The following LPP variants were observed in gnomAD, a reference collection of about 807,000 sequenced individuals.
The protein encoded by LPP is lipoma-preferred partner.
A neutral mutation model predicts 60.4 loss-of-function variants in LPP; 38 were observed. That is an observed-to-expected ratio of 0.63 (90% confidence interval 0.49 to 0.83). The LOEUF (loss-of-function observed/expected upper bound fraction) is 0.83. Among genes scored for constraint, LPP ranks in the 40% least tolerant of loss-of-function variants. The pLI is 0.00. For synonymous variants in LPP, 328 were observed against 290.8 expected, an observed-to-expected ratio of 1.13 and a Z score of -1.30; for missense variants, 902 against 783.6, an observed-to-expected ratio of 1.15 and a Z score of -1.80.
At chr3:188,410,161 A>G (rs1784567998) in intron 4 of LPP, among the ~76,000 whole-genome samples, 1 of 152,212 alleles carries the variant, frequency 6.6e-6, no homozygotes, top group Non-Finnish European at 1.5e-5. Context: ...GACACATACT[A>G]GGAACTCAAT....
intron 4 of LPP, among the ~76,000 whole-genome samples, chr3:188,436,490 C>A (rs536136667): frequency 6.6e-6 from 1 of 152,030 alleles, no homozygotes; most frequent in Non-Finnish European, 1.5e-5. Flanking sequence ...GTTTGCATTT[C>A]GTGAACAACT....
chr3:188,767,292 CA>C lies in LPP; in HGVS notation c.1410+7012del, dbSNP rs1417144795. On this transcript the variant is annotated intron_variant, in intron 9 of 11. Coordinates refer to ENST00000617246, the MANE Select transcript of LPP (RefSeq NM_001375462.1). ...AAAGTACCATTCAGTACAAAGGTAT[CA>C]AGCAGTCTGAAGAACATTACTTTTT... Among the ~76,000 whole-genome samples the C allele has an allele frequency of 9.9e-5, 15 of 152,270 alleles. No individual in the cohort carries two copies. The South Asian group carries it at 3.1e-3, about 32-fold the overall frequency.
intron 3 of LPP, among the ~76,000 whole-genome samples, chr3:188,362,563 G>A (rs1769791723): frequency 6.6e-6 from 1 of 152,094 alleles, no homozygotes; most frequent in South Asian, 2.1e-4. Flanking sequence ...TTTATTTGCA[G>A]TGTTAAAGAT....
intron 2 of LPP, among the ~76,000 whole-genome samples, chr3:188,284,189 C>G (rs1033461840): frequency 6.6e-6 from 1 of 151,840 alleles, no homozygotes; most frequent in African/African-American, 2.4e-5. Context: ...CTCAGGTGAT[C>G]CGCCTGCCTC....
At chr3:188,466,815 A>ATC (rs1285596746) in intron 4 of LPP, among the ~76,000 whole-genome samples, 3 of 109,718 alleles carry the variant, frequency 2.7e-5, no homozygotes, top group East Asian at 2.8e-4. Flanking sequence ...ACATATATAT[A>ATC]TATATATATA....
chr3:188,158,029 A>T (rs1158522000), intron 1 of LPP, among the ~76,000 whole-genome samples: 2 of 152,142 alleles, frequency 1.3e-5, no homozygotes, highest in African/African-American at 4.8e-5. Context: ...TAATCTCGAT[A>T]GGGGCCGTTA....
intron 8 of LPP, 81 bp downstream of exon 8, chr3:188,708,474 T>C (rs1221554603): frequency 3.2e-6 from 5 of 1,578,854 alleles, no homozygotes; most frequent in Non-Finnish European, 4.4e-6. Flanking sequence ...TATTATCAGC[T>C]CCACTGGTAA....
intron 2 of LPP, among the ~76,000 whole-genome samples, chr3:188,287,561 TCAGA>T (rs1266333803): frequency 1.3e-5 from 2 of 152,324 alleles, no homozygotes; most frequent in East Asian, 1.9e-4. Flanking sequence ...CTTTCTTTGC[TCAGA>T]CAGACAGTTC....
chr3:188,256,872 C>T (rs553790146), intron 2 of LPP, among the ~76,000 whole-genome samples: 3 of 152,252 alleles, frequency 2.0e-5, no homozygotes, highest in South Asian at 2.1e-4. Flanking sequence ...CACATGCATA[C>T]GTGTGGGTGT....
chr3:188,365,109 T>C (rs1770716198), intron 3 of LPP, among the ~76,000 whole-genome samples: 1 of 146,264 alleles, frequency 6.8e-6, no homozygotes, highest in East Asian at 2.2e-4. Context: ...TTAAGGGTAA[T>C]AGAAGCGCTT....
intron 5 of LPP, among the ~76,000 whole-genome samples, chr3:188,509,873 G>GTTTT (rs35389820): frequency 7.0e-4 from 78 of 111,022 alleles, no homozygotes; most frequent in African/African-American, 2.1e-3. Context: ...TTTTTTTGTT[G>GTTTT]TTTTTTTTTT....
At chr3:188,803,337 G>A (rs984129528) in intron 9 of LPP, among the ~76,000 whole-genome samples, 6 of 152,074 alleles carry the variant, frequency 3.9e-5, no homozygotes, top group African/African-American at 1.4e-4. Context: ...TCAACTTGTT[G>A]TATATGCTTT....
chr3:188,260,053 T>G (rs1733029121), intron 2 of LPP, among the ~76,000 whole-genome samples: 1 of 152,062 alleles, frequency 6.6e-6, no homozygotes, highest in Non-Finnish European at 1.5e-5. Flanking sequence ...TATTTATTTA[T>G]TTATTTATTT....
intron 10 of LPP, among the ~76,000 whole-genome samples, chr3:188,868,236 C>A (rs1353946733): frequency 6.6e-6 from 1 of 152,162 alleles, no homozygotes; most frequent in Non-Finnish European, 1.5e-5. Context: ...TACTTATAAT[C>A]GGAGCACACA....
chr3:188,690,983 A>G (rs536150133), intron 7 of LPP, among the ~76,000 whole-genome samples: 1 of 152,068 alleles, frequency 6.6e-6, no homozygotes, highest in Non-Finnish European at 1.5e-5. Context: ...TTCCTTTAAG[A>G]TACTTCTATC....
chr3:188,883,754 A>T lies in LPP; in HGVS notation c.*9275A>T. 5.6e-6 allele frequency: 1 copy of T among 177,236 alleles called. No individual in the cohort carries two copies. The highest frequency in any genetic ancestry group is 2.4e-5 in the African/African-American group (1 of 41,024). 11.0% of individuals were successfully genotyped at this position (177,236 alleles called of 1,614,324 possible). On this transcript the variant is annotated 3_prime_UTR_variant, in exon 12 of 12. Coordinates refer to ENST00000617246, the MANE Select transcript of LPP (RefSeq NM_001375462.1). ...TCTCAAAAAAAAAAAAAAAAAAAAAAGGTTGGGAAATATTGGTGTATAATC... is the reference window on the plus strand; with the variant it reads ...TCTCAAAAAAAAAAAAAAAAAAAAATGGTTGGGAAATATTGGTGTATAATC...
chr3:188,314,209 G>A (rs1754369808), intron 2 of LPP, among the ~76,000 whole-genome samples: 2 of 152,092 alleles, frequency 1.3e-5, no homozygotes, highest in African/African-American at 4.8e-5. Context: ...TGCTCATAAT[G>A]TTCCCTGTTA....
At chr3:188,642,143 C>T (rs1850272841) in intron 7 of LPP, among the ~76,000 whole-genome samples, 1 of 151,998 alleles carries the variant, frequency 6.6e-6, no homozygotes, top group East Asian at 1.9e-4. Flanking sequence ...TAGAGTATTT[C>T]CTCCAAAGTT....
chr3:188,365,746 C>A (rs1216817291), intron 3 of LPP, among the ~76,000 whole-genome samples: 1 of 147,058 alleles, frequency 6.8e-6, no homozygotes. Context: ...ATTAAAAAAT[C>A]AATTTCCAGC....
Sources: gnomAD v4.1 joint callset for allele counts (sites outside exome capture counted in the v4.1 genomes callset) on GRCh38, gnomAD v4.1.1 for gene constraint, MANE v1.5 for transcripts, NCBI Gene and HGNC (gene_info 2026-07-23, HGNC 2026-07-21) for gene names.